The following PANK2 variants were observed in gnomAD, a reference collection of about 807,000 sequenced individuals.
PANK2 encodes pantothenate kinase 2, mitochondrial.
In PANK2, 36 loss-of-function variants were observed where a neutral mutation model predicts 43.1. That is an observed-to-expected ratio of 0.84 (90% CI 0.64 to 1.10). PANK2 has a LOEUF of 1.10. Among genes scored for constraint, PANK2 ranks in the 50% least tolerant of loss-of-function variants. The pLI, the probability that PANK2 is intolerant of heterozygous loss-of-function variation, is 0.00. For synonymous variants in PANK2, 281 were observed against 238.2 expected (o/e 1.18, Z -1.66); for missense variants, 576 against 593.3 (o/e 0.97, Z 0.30).
chr20:3,889,167 C>A, upstream of PANK2: 2 of 1,602,954 alleles, frequency 1.2e-6, no homozygotes, highest in South Asian at 1.1e-5. Flanking sequence ...CTCTTCTGGG[C>A]TACACCGCCT....
chr20:3,889,429 C>CGCTGGGGGGCTT lies in PANK2; in HGVS notation c.3_14dup. ...GCGGAGGAGGCGAGAAGGAATCCGACGCTGGGGGGCTTGCTCGGGCGGCAG... is the reference window on the plus strand; with the variant it reads ...GCGGAGGAGGCGAGAAGGAATCCGACGCTGGGGGGCTTGCTGGGGGGCTTGCTCGGGCGGCAG... On this transcript the variant is annotated 5_prime_UTR_variant, in exon 1 of 7. Transcript: ENST00000610179. 2 of 1,564,632 alleles carry CGCTGGGGGGCTT rather than the reference C, an allele frequency of 1.3e-6. No homozygotes were observed. Among genetic ancestry groups the CGCTGGGGGGCTT allele is most frequent in the Non-Finnish European group, 1.7e-6 (2 of 1,159,726 alleles).
chr20:3,889,480 G>A lies in PANK2; in HGVS notation c.50G>A (p.Gly17Asp), dbSNP rs528149001. 1.3e-6 allele frequency: 2 copies of A among 1,493,798 alleles called. No individual in the cohort carries two copies. Among genetic ancestry groups the A allele is most frequent in the African/African-American group, 1.4e-5 (1 of 69,702 alleles). The allele number at this position is 1,493,798 out of a possible 1,614,324, so 92.5% of individuals were successfully genotyped here. The stretch of plus-strand genomic sequence containing the variant: ...CGACTGCTGCTGCGGATGGGAGGGG[G>A]CCGGCTCGGCGCGCCCATGGAGCGC... Residue 17 changes from glycine to aspartate, a missense_variant, in exon 1 of 7, where the codon GGC (glycine) becomes GAC (aspartate). Physicochemically the swap from Gly to Asp is moderately conservative, Grantham distance 94 (BLOSUM62 -1). Transcript: ENST00000610179.
chr20:3,895,492 TTTTTTC>T (rs2090192195), intron 1 of PANK2, among the ~76,000 whole-genome samples: 1 of 146,686 alleles, frequency 6.8e-6, no homozygotes, highest in Admixed American at 7.0e-5. Context: ...CCGTTTTTTT[TTTTTTC>T]TTTTTTTTTT....
At chr20:3,917,449 G>T (rs554468209) in intron 5 of PANK2, 3 of 534,614 alleles carry the variant, frequency 5.6e-6, no homozygotes, top group East Asian at 5.4e-5. Flanking sequence ...TGAGCAGGCC[G>T]AGGGGTGCCC....
chr20:3,893,931 G>GTTTTTTT (rs374582085), intron 1 of PANK2, among the ~76,000 whole-genome samples: 15 of 73,150 alleles, frequency 2.1e-4, no homozygotes, highest in East Asian at 3.7e-4. Flanking sequence ...TTTGTTTTTT[G>GTTTTTTT]TTTTTTTTTT....
At chr20:3,902,494 G>T (rs938017374) in intron 1 of PANK2, among the ~76,000 whole-genome samples, 1 of 151,278 alleles carries the variant, frequency 6.6e-6, no homozygotes, top group African/African-American at 2.4e-5. Flanking sequence ...GGCCTGGCTG[G>T]TCTCGAACTC....
At chr20:3,909,109 T>A (rs888823841) in intron 2 of PANK2, among the ~76,000 whole-genome samples, 1 of 152,216 alleles carries the variant, frequency 6.6e-6, no homozygotes, top group Non-Finnish European at 1.5e-5. Flanking sequence ...TTTGTTTTCT[T>A]GAGATGGAGT....
At chr20:3,914,901 T>C (rs1397928841) in intron 4 of PANK2, among the ~76,000 whole-genome samples, 3 of 152,102 alleles carry the variant, frequency 2.0e-5, no homozygotes, top group South Asian at 2.1e-4. Flanking sequence ...TGAGCCACTG[T>C]GCCCAGCCCG....
Position 3,907,459 on chromosome 20 carries a change from A to G in PANK2, c.299-467A>G, listed in dbSNP as rs182141521. Among the ~76,000 whole-genome samples the G allele has an allele frequency of 8.9e-4, 136 of 152,258 alleles. 1 individual carries two copies. The highest frequency in any genetic ancestry group is 3.2e-3 in the African/African-American group (131 of 41,552). ...TGAAACCTTTTATTTTTGGAATATC[A>G]GATTTTGAAAGATAAATTGACCATT... On this transcript the variant is annotated intron_variant, in intron 1 of 6. Coordinates refer to ENST00000610179, the MANE Select transcript of PANK2 (RefSeq NM_001386393.1).
At chr20:3,889,293 G>A (rs894149166), upstream of PANK2, 2 of 1,606,486 alleles carry the variant, frequency 1.2e-6, no homozygotes, top group African/African-American at 1.3e-5. Flanking sequence ...GGAGCCGACT[G>A]GACGCGAGGC....
chr20:3,888,952 ACGCT>A, upstream of PANK2: 1 of 558,472 alleles, frequency 1.8e-6, no homozygotes, highest in Non-Finnish European at 3.0e-6. Flanking sequence ...CAGCGGCCAG[ACGCT>A]GCGGGAGCAC....
At chr20:3,905,420 C>T (rs570358989) in intron 1 of PANK2, among the ~76,000 whole-genome samples, 5 of 150,878 alleles carry the variant, frequency 3.3e-5, no homozygotes, top group African/African-American at 9.8e-5. Flanking sequence ...GCATGATCTC[C>T]GCTCACTGCT....
intron 1 of PANK2, among the ~76,000 whole-genome samples, chr20:3,904,766 TA>T (rs1441823612): frequency 1.3e-5 from 2 of 152,230 alleles, no homozygotes; most frequent in Admixed American, 6.5e-5. Context: ...CCTCTGAGAA[TA>T]TTTTTGATTC....
intron 1 of PANK2, chr20:3,901,502 G>C (rs1040541049): frequency 3.6e-6 from 2 of 559,300 alleles, no homozygotes; most frequent in Admixed American, 6.5e-5. Context: ...CTATATTCTT[G>C]TGTAGAATTA....
intron 4 of PANK2, among the ~76,000 whole-genome samples, chr20:3,913,775 C>CATATATAT (rs1555788886): frequency 4.8e-5 from 6 of 123,998 alleles, no homozygotes; most frequent in South Asian, 2.9e-4. Flanking sequence ...CACACACACA[C>CATATATAT]ATATATATAT....
In PANK2 at chr20:3,892,662, C is replaced by T. The variant is rs971544275; in HGVS notation, c.298+2934C>T. Among the ~76,000 whole-genome samples, 78 of 118,616 alleles carry T rather than the reference C, an allele frequency of 6.6e-4. 1 individual carries two copies. The highest frequency in any genetic ancestry group is 1.1e-4 in the Admixed American group (1 of 9,122). 77.8% of individuals were successfully genotyped at this position (118,616 alleles called of 152,430 possible). A position where few individuals can be genotyped will look rare whatever the true frequency, so the allele number is the denominator to read the frequency against. ...CTGCACTCCAGCCTGGGCGACAGAG[C>T]GACTCTGTCTCAAAAAAAAAAAAAA... On this transcript the variant is annotated intron_variant, in intron 1 of 6. Transcript: ENST00000610179.
intron 1 of PANK2, among the ~76,000 whole-genome samples, chr20:3,905,950 A>G (rs6052163): frequency 0.43 from 64,326 of 150,824 alleles, 14,358 homozygotes; most frequent in South Asian, 0.53. Flanking sequence ...TCCTGACCTC[A>G]GGTGATCTGC....
At chr20:3,889,102 T>G, upstream of PANK2, 1 of 1,541,908 alleles carries the variant, frequency 6.5e-7, no homozygotes, top group Non-Finnish European at 8.8e-7. Context: ...AGGGGGTGGA[T>G]GAGGAGGCTC....
intron 1 of PANK2, among the ~76,000 whole-genome samples, chr20:3,901,113 C>T (rs1424666734): frequency 6.6e-6 from 1 of 151,974 alleles, no homozygotes; most frequent in East Asian, 1.9e-4. Flanking sequence ...GGCTGGAGTA[C>T]AGTGGCTGTA....
Sources: allele counts gnomAD v4.1 joint callset (sites outside exome capture counted in the v4.1 genomes callset), GRCh38; gene constraint gnomAD v4.1.1; transcripts MANE v1.5; gene names NCBI Gene and HGNC (gene_info 2026-07-23, HGNC 2026-07-21).